MARK1: variants seen among roughly 807,000 people sequenced by gnomAD.
MARK1 encodes the protein serine/threonine-protein kinase MARK1.
Under a neutral mutation model 96.3 loss-of-function variants are expected in MARK1, and 40 were observed. The ratio of observed to expected loss-of-function variants is 0.42; its 90% CI spans 0.32 to 0.54. MARK1 has a LOEUF of 0.54. Among genes scored for constraint, MARK1 ranks in the 20% least tolerant of loss-of-function variants. The probability of loss-of-function intolerance (pLI) is 0.16; values close to 1 mark genes in which losing one functional copy is unlikely to be tolerated. For missense variants in MARK1, 719 were observed against 984.6 expected (o/e 0.73, Z 3.61); for synonymous variants, 317 against 341.2 (o/e 0.93, Z 0.78).
chr1:220,557,009 G>A (rs549684625), intron 1 of MARK1, among the ~76,000 whole-genome samples: 15 of 152,250 alleles, frequency 9.9e-5, no homozygotes, highest in African/African-American at 3.6e-4. Flanking sequence ...GTGGCTAGGG[G>A]TTATCCAGAA....
intron 11 of MARK1, 118 bp from the exon 12 acceptor site, chr1:220,635,256 TCA>T: frequency 1.0e-6 from 1 of 970,686 alleles, no homozygotes; most frequent in African/African-American, 1.6e-5. Context: ...CACTGTTTTT[TCA>T]GTTTGGATTA....
chr1:220,633,649 C>T (rs1393500078), intron 11 of MARK1, among the ~76,000 whole-genome samples: 1 of 152,180 alleles, frequency 6.6e-6, no homozygotes, highest in Non-Finnish European at 1.5e-5. Context: ...GTACCTACAA[C>T]AGGCTAAGGT....
At chr1:220,627,125 C>G (rs1022555343) in intron 9 of MARK1, 1 of 505,952 alleles carries the variant, frequency 2.0e-6, no homozygotes, top group Non-Finnish European at 4.0e-6. Flanking sequence ...GAATGCTGCC[C>G]CACAAACCTG....
At chr1:220,632,384 G>A (rs1264684522) in intron 11 of MARK1, 71 bp downstream of exon 11, 2 of 646,498 alleles carry the variant, frequency 3.1e-6, no homozygotes, top group Admixed American at 5.9e-5. Flanking sequence ...TATATTCTTT[G>A]TGGAATCAAA....
At position 220,528,697 on chromosome 1, in the gene MARK1, C is replaced by T; in HGVS notation, c.-126C>T. 1.3e-6 allele frequency: 1 copy of T among 768,002 alleles called. No homozygotes were observed. Among genetic ancestry groups the T allele is most frequent in the South Asian group, 2.2e-5 (1 of 46,292 alleles). 47.6% of individuals were successfully genotyped at this position (768,002 alleles called of 1,614,324 possible). On this transcript the variant is annotated 5_prime_UTR_variant, in exon 1 of 18. Coordinates refer to ENST00000366917, the MANE Select transcript of MARK1 (RefSeq NM_018650.5). ...GCCGGGGCCGCTTGTTGCACCGCCC[C>T]GCGGCCTGCGGGAGCCGCTCGCCCC... is the stretch of plus-strand genomic sequence containing the variant.
intron 1 of MARK1, among the ~76,000 whole-genome samples, chr1:220,548,676 C>CT (rs1186297921): frequency 6.6e-6 from 1 of 151,972 alleles, no homozygotes. Flanking sequence ...GAGGCAGAGA[C>CT]TGTGGTGAGC....
intron 1 of MARK1, among the ~76,000 whole-genome samples, chr1:220,568,701 ACCTT>A (rs2102801704): frequency 6.6e-6 from 1 of 152,162 alleles, no homozygotes; most frequent in African/African-American, 2.4e-5. Context: ...GTCTTGTGTA[ACCTT>A]CTGGAGATAG....
chr1:220,627,070 G>A (rs183460201), intron 9 of MARK1: 3 of 539,382 alleles, frequency 5.6e-6, no homozygotes, highest in African/African-American at 3.9e-5. Context: ...ACCAGAACAC[G>A]AATGGTACTT....
chr1:220,607,868 G>T (rs141644068), intron 6 of MARK1, among the ~76,000 whole-genome samples: 1 of 152,156 alleles, frequency 6.6e-6, no homozygotes, highest in South Asian at 2.1e-4. Flanking sequence ...ATTGATTTGC[G>T]TATATTGAAC....
At chr1:220,628,818 G>A (rs1011954263) in intron 9 of MARK1, among the ~76,000 whole-genome samples, 7 of 151,924 alleles carry the variant, frequency 4.6e-5, no homozygotes, top group Non-Finnish European at 8.8e-5. Context: ...TGGGCATGGT[G>A]GCTCATGCCT....
At chr1:220,571,641 T>A (rs985721823) in intron 1 of MARK1, 1 of 152,218 alleles carries the variant, frequency 6.6e-6, no homozygotes, top group Admixed American at 6.5e-5. Flanking sequence ...ATTGCTTGGA[T>A]CCTTATGAAG....
intron 1 of MARK1, among the ~76,000 whole-genome samples, chr1:220,538,441 C>G (rs944910864): frequency 4.0e-5 from 6 of 151,840 alleles, no homozygotes; most frequent in Non-Finnish European, 8.8e-5. Context: ...ATCTATATCT[C>G]TATTTTGGTA....
intron 10 of MARK1, 28 bp from the exon 11 acceptor site, chr1:220,632,173 A>C: frequency 8.6e-7 from 1 of 1,158,202 alleles, no homozygotes; most frequent in South Asian, 2.0e-5. Flanking sequence ...AACCATTTTC[A>C]GAAAATTTCT....
At chr1:220,594,581 T>G (rs1396413298) in intron 3 of MARK1, among the ~76,000 whole-genome samples, 1 of 152,206 alleles carries the variant, frequency 6.6e-6, no homozygotes, top group East Asian at 1.9e-4. Context: ...GATGTTTATA[T>G]AGCAGCTTTA....
intron 1 of MARK1, among the ~76,000 whole-genome samples, chr1:220,569,955 A>T (rs1572097700): frequency 6.6e-6 from 1 of 152,214 alleles, no homozygotes; most frequent in East Asian, 1.9e-4. Flanking sequence ...TTACATGTGA[A>T]GTTGAAATAA....
chr1:220,624,964 T>A lies in MARK1; in HGVS notation c.910-6071T>A, dbSNP rs191629339. Among the ~76,000 whole-genome samples, 218 of 152,374 alleles carry A rather than the reference T, an allele frequency of 1.4e-3. 2 individuals carry two copies. Among genetic ancestry groups the A allele is most frequent in the African/African-American group, 5.0e-3 (209 of 41,598 alleles). ...TGCAATAGATTATACTTCTGGTTTCTTTCTTCCATTTCTTCATGTCTAGTT... is the reference window on the plus strand; with the variant it reads ...TGCAATAGATTATACTTCTGGTTTCATTCTTCCATTTCTTCATGTCTAGTT... On this transcript the variant is annotated intron_variant, in intron 9 of 17. Coordinates refer to ENST00000366917, the MANE Select transcript of MARK1 (RefSeq NM_018650.5).
intron 3 of MARK1, among the ~76,000 whole-genome samples, chr1:220,591,937 C>T (rs1433299928): frequency 6.6e-6 from 1 of 151,732 alleles, no homozygotes; most frequent in Admixed American, 6.6e-5. Context: ...CAGTCTTTTG[C>T]ATTTATCTTG....
intron 3 of MARK1, among the ~76,000 whole-genome samples, chr1:220,583,809 G>T (rs1052880666): frequency 1.4e-5 from 2 of 146,404 alleles, no homozygotes; most frequent in South Asian, 2.2e-4. Context: ...CACCATGCCT[G>T]GCTAATTTTT....
intron 3 of MARK1, among the ~76,000 whole-genome samples, chr1:220,594,590 T>G (rs1402684387): frequency 6.6e-6 from 1 of 152,188 alleles, no homozygotes; most frequent in Non-Finnish European, 1.5e-5. Context: ...ATAGCAGCTT[T>G]AGTCATAATG....
Sources: gnomAD v4.1 joint callset for allele counts (sites outside exome capture counted in the v4.1 genomes callset) on GRCh38, gnomAD v4.1.1 for gene constraint, MANE v1.5 for transcripts, NCBI Gene and HGNC (gene_info 2026-07-23, HGNC 2026-07-21) for gene names.